SPG11: variants seen among roughly 807,000 people sequenced by gnomAD.
The protein encoded by SPG11 is SPG11 vesicle trafficking associated, spatacsin.
SPG11 carries 222 observed loss-of-function variants against 274.0 expected under a neutral mutation model. The observed-to-expected ratio is 0.81, with a 90% CI of 0.73 to 0.91. The LOEUF is 0.91. SPG11 is among the 40% of genes least tolerant of loss of function. The probability of loss-of-function intolerance (pLI) is 0.00; values close to 1 mark genes in which losing one functional copy is unlikely to be tolerated. For missense variants in SPG11, 3,114 were observed against 2,872.7 expected (o/e 1.08, Z -1.92); for synonymous variants, 1,144 against 1,039.7 (o/e 1.10, Z -1.93).
intron 28 of SPG11, among the ~76,000 whole-genome samples, chr15:44,587,505 G>A (rs561106760): frequency 5.9e-5 from 9 of 152,036 alleles, no homozygotes; most frequent in East Asian, 1.9e-4. Flanking sequence ...GCTGGGCAAC[G>A]TGGCAAAACC....
At chr15:44,650,596 A>G (rs2084740512) in intron 6 of SPG11, among the ~76,000 whole-genome samples, 1 of 151,232 alleles carries the variant, frequency 6.6e-6, no homozygotes, top group Non-Finnish European at 1.5e-5. Context: ...ACTGCACTCC[A>G]GCCTGGGCGA....
At chr15:44,618,767 C>T (rs1202921168) in intron 15 of SPG11, among the ~76,000 whole-genome samples, 5 of 151,726 alleles carry the variant, frequency 3.3e-5, no homozygotes, top group Non-Finnish European at 7.4e-5. Flanking sequence ...TTGTAGTGAG[C>T]CAATATCACG....
At chr15:44,575,106 A>C in intron 30 of SPG11, 65 bp from the exon 31 acceptor site, 2 of 1,598,776 alleles carry the variant, frequency 1.3e-6, no homozygotes, top group Non-Finnish European at 8.5e-7. Context: ...CTAGCTCTCT[A>C]TGGCTCTACC....
chr15:44,655,198 T>G (rs982846577), intron 4 of SPG11, among the ~76,000 whole-genome samples: 1 of 152,112 alleles, frequency 6.6e-6, no homozygotes, highest in East Asian at 1.9e-4. Context: ...GGAGGCTGAG[T>G]TGGAGGACTG....
intron 2 of SPG11, among the ~76,000 whole-genome samples, chr15:44,659,869 T>C (rs923403535): frequency 3.9e-5 from 6 of 152,196 alleles, no homozygotes; most frequent in African/African-American, 1.4e-4. Context: ...GAGACCAGCC[T>C]GGCCAACATG....
intron 20 of SPG11, among the ~76,000 whole-genome samples, chr15:44,601,365 A>G (rs1294369838): frequency 6.6e-6 from 1 of 151,266 alleles, no homozygotes; most frequent in East Asian, 1.9e-4. Context: ...GGCTCAGGTG[A>G]TCCTCCCACT....
At chr15:44,574,799 A>T in intron 31 of SPG11, 103 bp downstream of exon 31, 1 of 1,387,584 alleles carries the variant, frequency 7.2e-7, no homozygotes, top group South Asian at 1.2e-5. Flanking sequence ...CTCCCAGGTC[A>T]TGATTATCAT....
At chr15:44,650,001 T>C (rs143176430) in intron 6 of SPG11, among the ~76,000 whole-genome samples, 8 of 152,268 alleles carry the variant, frequency 5.3e-5, no homozygotes, top group African/African-American at 1.9e-4. Flanking sequence ...TGGTTTACTA[T>C]TATAAAATAA....
intron 10 of SPG11, 68 bp downstream of exon 10, chr15:44,628,601 T>A (rs1180140814): frequency 3.8e-5 from 54 of 1,410,854 alleles, no homozygotes; most frequent in Non-Finnish European, 5.3e-5. Flanking sequence ...GAATTCTGTT[T>A]CTTTCTATTG....
intron 16 of SPG11, among the ~76,000 whole-genome samples, chr15:44,614,520 G>A (rs551428082): frequency 9.9e-5 from 15 of 152,238 alleles, no homozygotes; most frequent in East Asian, 3.9e-4. Context: ...CACCGTGCCC[G>A]GCCAATTCCT....
At chr15:44,637,772 T>C (rs769241165) in intron 7 of SPG11, among the ~76,000 whole-genome samples, 5 of 152,226 alleles carry the variant, frequency 3.3e-5, no homozygotes, top group Non-Finnish European at 7.3e-5. Flanking sequence ...TTATTTACTA[T>C]GCTATACTTT....
chr15:44,571,423 T>A (rs1364180537), intron 33 of SPG11, among the ~76,000 whole-genome samples: 1 of 152,160 alleles, frequency 6.6e-6, no homozygotes, highest in African/African-American at 2.4e-5. Context: ...TGGCACAAAG[T>A]TGGCACTCAG....
At chr15:44,579,380 C>A (rs1018210930) in intron 30 of SPG11, among the ~76,000 whole-genome samples, 3 of 149,560 alleles carry the variant, frequency 2.0e-5, no homozygotes, top group African/African-American at 7.4e-5. Context: ...CACAAACACA[C>A]AAAAATAGCT....
At chr15:44,643,656 C>T (rs904304207) in intron 7 of SPG11, among the ~76,000 whole-genome samples, 4 of 151,704 alleles carry the variant, frequency 2.6e-5, no homozygotes, top group African/African-American at 9.7e-5. Flanking sequence ...CAAAAATGAC[C>T]CCCTCATCCC....
At chr15:44,613,582 T>C in intron 16 of SPG11, 46 bp from the exon 17 acceptor site, 1 of 1,250,784 alleles carries the variant, frequency 8.0e-7, no homozygotes, top group East Asian at 2.3e-5. Context: ...ACATACAGGA[T>C]AAGACAATTA....
chr15:44,628,634 G>A (rs750891063), intron 10 of SPG11, 35 bp downstream of exon 10: 1 of 1,567,198 alleles, frequency 6.4e-7, no homozygotes, highest in Admixed American at 1.7e-5. Context: ...TTCTGAATCT[G>A]GCAAATAAAA....
chr15:44,586,419 G>A (rs919840820), intron 28 of SPG11, among the ~76,000 whole-genome samples: 1 of 152,066 alleles, frequency 6.6e-6, no homozygotes, highest in Admixed American at 6.6e-5. Context: ...GCCGAGGTGG[G>A]TGGATCACTT....
At chr15:44,660,216 A>T (rs2085063960) in intron 2 of SPG11, among the ~76,000 whole-genome samples, 1 of 152,218 alleles carries the variant, frequency 6.6e-6, no homozygotes, top group Non-Finnish European at 1.5e-5. Context: ...TTTTATTTTT[A>T]GTATTAAGTC....
rs772752253 is a variant in SPG11 at position 44,595,507 on chromosome 15, A to T, written c.4435-48T>A. On this transcript the variant is annotated intron_variant, in intron 25 of 39. Coordinates refer to ENST00000261866, the MANE Select transcript of SPG11 (RefSeq NM_025137.4). Reference sequence around the variant, plus strand: ...ACAACTAGGCCTGGATTACCTGGCAAATGTACAAATACTACAGATGGATAT... The same window carrying T: ...ACAACTAGGCCTGGATTACCTGGCATATGTACAAATACTACAGATGGATAT... 15 of 1,548,174 alleles carry T rather than the reference A, an allele frequency of 9.7e-6. No homozygotes were observed. The East Asian group carries it at 3.1e-4, about 32-fold the overall frequency.
Sources: gnomAD v4.1 joint callset for allele counts (sites outside exome capture counted in the v4.1 genomes callset) on GRCh38, gnomAD v4.1.1 for gene constraint, MANE v1.5 for transcripts, NCBI Gene and HGNC (gene_info 2026-07-23, HGNC 2026-07-21) for gene names.